Variants in GPATCH2 observed in about 807,000 individuals in gnomAD.
GPATCH2 encodes G patch domain-containing protein 2.
In GPATCH2, 51 loss-of-function variants were observed where a neutral mutation model predicts 58.0. The observed-to-expected ratio is 0.88, with a 90% CI of 0.70 to 1.11. GPATCH2 has a LOEUF of 1.11. Among genes scored for constraint, GPATCH2 ranks in the 50% most tolerant of loss-of-function variants. GPATCH2 has a pLI of 0.00. For missense variants in GPATCH2, 625 were observed against 652.2 expected, an observed-to-expected ratio of 0.96 and a Z score of 0.45; for synonymous variants, 222 against 218.5, an observed-to-expected ratio of 1.02 and a Z score of -0.14.
chr1:217,501,615 A>G (rs1259764868), intron 6 of GPATCH2, among the ~76,000 whole-genome samples: 1 of 152,066 alleles, frequency 6.6e-6, no homozygotes, highest in Non-Finnish European at 1.5e-5. Flanking sequence ...TGCTGTCACT[A>G]TGTTTTACTT....
At position 217,605,023 on chromosome 1, in the gene GPATCH2, CAAAAT is replaced by C. The variant is rs368892916; in HGVS notation, c.1098+5293_1098+5297del. ...TTGGCAACAGAGCAAGGCTCTGTCT[CAAAAT>C]AAAATAAAATAAAATAAAATAAATG... On this transcript the variant is annotated intron_variant, in intron 5 of 9. Coordinates refer to ENST00000366935, the MANE Select transcript of GPATCH2 (RefSeq NM_018040.5). Among the ~76,000 whole-genome samples, 47 of 151,590 alleles carry C rather than the reference CAAAAT, an allele frequency of 3.1e-4. 1 individual carries two copies. The highest frequency in any genetic ancestry group is 9.7e-4 in the African/African-American group (40 of 41,194).
chr1:217,567,265 T>A (rs1666296092), intron 5 of GPATCH2, among the ~76,000 whole-genome samples: 1 of 152,100 alleles, frequency 6.6e-6, no homozygotes, highest in Non-Finnish European at 1.5e-5. Flanking sequence ...AGACTGGTCT[T>A]GAACTCCCGA....
chr1:217,529,839 T>G (rs1338038703), intron 5 of GPATCH2, among the ~76,000 whole-genome samples: 1 of 152,182 alleles, frequency 6.6e-6, no homozygotes, highest in Non-Finnish European at 1.5e-5. Flanking sequence ...CTCTCCACAC[T>G]TACAAACTGA....
At chr1:217,573,180 C>T (rs759266713) in intron 5 of GPATCH2, among the ~76,000 whole-genome samples, 3 of 152,186 alleles carry the variant, frequency 2.0e-5, no homozygotes, top group Non-Finnish European at 4.4e-5. Context: ...GAAAGCTTAT[C>T]CAACAGATGC....
intron 9 of GPATCH2, among the ~76,000 whole-genome samples, chr1:217,433,438 C>T (rs1658652346): frequency 6.7e-6 from 1 of 148,650 alleles, no homozygotes; most frequent in South Asian, 2.1e-4. Context: ...ACTCTGTTGC[C>T]CAGGCCAGAG....
intron 9 of GPATCH2, among the ~76,000 whole-genome samples, chr1:217,442,325 A>G (rs1165982469): frequency 6.6e-6 from 1 of 152,166 alleles, no homozygotes; most frequent in Non-Finnish European, 1.5e-5. Context: ...GGACCATCAC[A>G]TACTGGGGCC....
At chr1:217,440,197 G>T (rs1041706810) in intron 9 of GPATCH2, among the ~76,000 whole-genome samples, 2 of 152,114 alleles carry the variant, frequency 1.3e-5, no homozygotes, top group East Asian at 1.9e-4. Flanking sequence ...GGGATGCAAG[G>T]CTGGTTCAAC....
At chr1:217,449,758 G>A (rs900104925) in intron 8 of GPATCH2, among the ~76,000 whole-genome samples, 2 of 152,148 alleles carry the variant, frequency 1.3e-5, no homozygotes, top group African/African-American at 2.4e-5. Context: ...ATTTCTTTTA[G>A]GATATTACGC....
intron 8 of GPATCH2, among the ~76,000 whole-genome samples, chr1:217,475,272 C>T (rs1660918301): frequency 6.6e-6 from 1 of 152,124 alleles, no homozygotes; most frequent in African/African-American, 2.4e-5. Flanking sequence ...AACCCCATCT[C>T]TACTAAAAAT....
At position 217,447,481 on chromosome 1, in the gene GPATCH2, C is replaced by G. The variant is rs1052375675; in HGVS notation, c.1366+1768G>C. Among the ~76,000 whole-genome samples, 20 of 152,196 alleles carry G rather than the reference C, an allele frequency of 1.3e-4. No individual in the cohort carries two copies. The East Asian group carries it at 1.5e-3, about 12-fold the overall frequency. On this transcript the variant is annotated intron_variant, in intron 9 of 9. Transcript: ENST00000366935. ...AGGTAGCTAACCTAACACTTCTTTGCATCTTCATTTTATGATCTGTAAGGT... is the reference window on the plus strand; with the variant it reads ...AGGTAGCTAACCTAACACTTCTTTGGATCTTCATTTTATGATCTGTAAGGT...
chr1:217,553,039 ACT>A (rs1436114258), intron 5 of GPATCH2, among the ~76,000 whole-genome samples: 6 of 151,038 alleles, frequency 4.0e-5, no homozygotes, highest in African/African-American at 1.2e-4. Context: ...AAGCAAAAGT[ACT>A]CAGAGTTTCA....
intron 2 of GPATCH2, among the ~76,000 whole-genome samples, chr1:217,618,654 T>TA (rs1197155967): frequency 6.6e-6 from 1 of 151,648 alleles, no homozygotes; most frequent in Non-Finnish European, 1.5e-5. Flanking sequence ...AAATAAAAAA[T>TA]AAAAACCAAA....
Position 217,455,777 on chromosome 1 carries a change from G to A in GPATCH2, c.1278-6440C>T, listed in dbSNP as rs115605505. Among the ~76,000 whole-genome samples the A allele has an allele frequency of 5.7e-3, 861 of 151,954 alleles. 3 individuals are homozygous for A. The highest frequency in any genetic ancestry group is 0.02 in the African/African-American group (819 of 41,424). ...TGAGAATAGGCATTCCTGTTTTTGCGCCCAAAAGTTGCCTTTGGACTGCCA... is the reference window on the plus strand; with the variant it reads ...TGAGAATAGGCATTCCTGTTTTTGCACCCAAAAGTTGCCTTTGGACTGCCA... On this transcript the variant is annotated intron_variant, in intron 8 of 9. Coordinates refer to ENST00000366935, the MANE Select transcript of GPATCH2 (RefSeq NM_018040.5).
At chr1:217,610,444 T>G in intron 4 of GPATCH2, 44 bp from the exon 5 acceptor site, 1 of 1,065,808 alleles carries the variant, frequency 9.4e-7, no homozygotes, top group Non-Finnish European at 1.4e-6. Flanking sequence ...CTATGATCAC[T>G]GAAGCATAGA....
chr1:217,616,251 T>C (rs1052025859), intron 2 of GPATCH2, among the ~76,000 whole-genome samples: 1 of 152,118 alleles, frequency 6.6e-6, no homozygotes, highest in Non-Finnish European at 1.5e-5. Context: ...CACACACACA[T>C]ACACACACGT....
rs549350813 is a variant in GPATCH2, at chr1:217,567,045, G to GTTTTTTTTTTTTTTTTTTTTTTTTTTT, written c.1098+43275_1098+43276insAAAAAAAAAAAAAAAAAAAAAAAAAAA. On this transcript the variant is annotated intron_variant, in intron 5 of 9. Coordinates refer to ENST00000366935, the MANE Select transcript of GPATCH2 (RefSeq NM_018040.5). Reference sequence around the variant, plus strand: ...CATCACTCAGCAAATATAACTTCTGGCTTTTTTTTTTTTTTTTTGAGACGG... The same window carrying GTTTTTTTTTTTTTTTTTTTTTTTTTTT: ...CATCACTCAGCAAATATAACTTCTGGTTTTTTTTTTTTTTTTTTTTTTTTTTTCTTTTTTTTTTTTTTTTTGAGACGG... Among the ~76,000 whole-genome samples the GTTTTTTTTTTTTTTTTTTTTTTTTTTT allele has an allele frequency of 1.4e-5, 2 of 140,762 alleles. 1 individual carries two copies. Among genetic ancestry groups the GTTTTTTTTTTTTTTTTTTTTTTTTTTT allele is most frequent in the Non-Finnish European group, 3.1e-5 (2 of 65,432 alleles). 92.3% of individuals were successfully genotyped at this position (140,762 alleles called of 152,430 possible). A position where few individuals can be genotyped will look rare whatever the true frequency, so the allele number is the denominator to read the frequency against.
intron 8 of GPATCH2, among the ~76,000 whole-genome samples, chr1:217,468,285 G>A (rs1482373965): frequency 6.6e-6 from 1 of 152,114 alleles, no homozygotes; most frequent in African/African-American, 2.4e-5. Flanking sequence ...AGTGAGGGAA[G>A]TACACAATAT....
At chr1:217,553,219 A>C (rs1041461215) in intron 5 of GPATCH2, among the ~76,000 whole-genome samples, 7 of 152,148 alleles carry the variant, frequency 4.6e-5, no homozygotes, top group Admixed American at 3.9e-4. Context: ...GTCTGTGGTT[A>C]ATCACCAGGA....
intron 5 of GPATCH2, among the ~76,000 whole-genome samples, chr1:217,583,535 C>A (rs1667174500): frequency 7.2e-6 from 1 of 138,840 alleles, no homozygotes; most frequent in African/African-American, 2.8e-5. Context: ...TGAGCCACTG[C>A]ACTCCAGACT....
Sources: allele counts gnomAD v4.1 joint callset (sites outside exome capture counted in the v4.1 genomes callset), GRCh38; gene constraint gnomAD v4.1.1; transcripts MANE v1.5; gene names NCBI Gene and HGNC (gene_info 2026-07-23, HGNC 2026-07-21).